KCNQ3: variants seen among roughly 807,000 people sequenced by gnomAD.
KCNQ3 encodes the protein potassium voltage-gated channel subfamily KQT member 3.
Under a neutral mutation model 92.5 loss-of-function variants are expected in KCNQ3, and 30 were observed. That is an observed-to-expected ratio of 0.32 (90% confidence interval 0.24 to 0.44). The LOEUF (loss-of-function observed/expected upper bound fraction) is 0.44, where lower values mean the gene tolerates loss of function less well. Among genes scored for constraint, KCNQ3 ranks in the 20% least tolerant of loss-of-function variants. KCNQ3 has a pLI of 1.00. For synonymous variants in KCNQ3, 450 were observed against 468.8 expected, an observed-to-expected ratio of 0.96 and a Z score of 0.52; for missense variants, 913 against 1,140.3, an observed-to-expected ratio of 0.80 and a Z score of 2.87.
At chr8:132,238,654 C>T (rs890266377) in intron 1 of KCNQ3, among the ~76,000 whole-genome samples, 6 of 152,316 alleles carry the variant, frequency 3.9e-5, no homozygotes, top group African/African-American at 1.4e-4. Context: ...CTACTTCTCT[C>T]CTTCTTGTCG....
intron 1 of KCNQ3, among the ~76,000 whole-genome samples, chr8:132,459,632 A>C (rs957891927): frequency 6.6e-6 from 1 of 152,160 alleles, no homozygotes; most frequent in Non-Finnish European, 1.5e-5. Flanking sequence ...AACACTGGGC[A>C]TCAAATTTCA....
At chr8:132,314,899 C>T (rs183740994) in intron 1 of KCNQ3, among the ~76,000 whole-genome samples, 107 of 152,218 alleles carry the variant, frequency 7.0e-4, no homozygotes, top group African/African-American at 2.5e-3. Flanking sequence ...AAATATGCAA[C>T]GCATGCTGTG....
At chr8:132,222,783 G>A (rs191303581) in intron 1 of KCNQ3, among the ~76,000 whole-genome samples, 4 of 152,324 alleles carry the variant, frequency 2.6e-5, no homozygotes, top group Non-Finnish European at 4.4e-5. Context: ...CACGTGGGTG[G>A]GATGCAAGGG....
intron 1 of KCNQ3, among the ~76,000 whole-genome samples, chr8:132,410,467 C>T (rs1820620566): frequency 1.3e-5 from 2 of 152,174 alleles, no homozygotes; most frequent in South Asian, 2.1e-4. Flanking sequence ...AACCCGTCCA[C>T]CTGGGAGAGA....
In KCNQ3 at chr8:132,136,118, CAAAAAAAAAAAAAA is replaced by C. The variant is rs67331428; in HGVS notation, c.1701-1744_1701-1731del. On this transcript the variant is annotated intron_variant, in intron 12 of 14. Coordinates refer to ENST00000388996, the MANE Select transcript of KCNQ3 (RefSeq NM_004519.4). The stretch of plus-strand genomic sequence containing the variant: ...TGGGTGACAGAGTGAGACTCCATCT[CAAAAAAAAAAAAAA>C]AAAAAAAAAAAAAAGAAAAGAGAAA... Among the ~76,000 whole-genome samples, 17 of 40,018 alleles carry C rather than the reference CAAAAAAAAAAAAAA, an allele frequency of 4.2e-4. No homozygotes were observed. In the East Asian group the frequency reaches 0.015, roughly 36 times the overall value. 26.3% of individuals were successfully genotyped at this position (40,018 alleles called of 152,430 possible).
At chr8:132,266,677 G>A (rs1815992478) in intron 1 of KCNQ3, among the ~76,000 whole-genome samples, 1 of 152,138 alleles carries the variant, frequency 6.6e-6, no homozygotes, top group African/African-American at 2.4e-5. Context: ...TCAAACCGGA[G>A]CTGCATCACG....
chr8:132,262,879 T>C (rs1203188289), intron 1 of KCNQ3, among the ~76,000 whole-genome samples: 1 of 152,204 alleles, frequency 6.6e-6, no homozygotes, highest in Non-Finnish European at 1.5e-5. Context: ...GTTCTTACTA[T>C]GTGACATTGA....
intron 12 of KCNQ3, among the ~76,000 whole-genome samples, chr8:132,135,649 T>C (rs1372269875): frequency 6.6e-6 from 1 of 152,126 alleles, no homozygotes; most frequent in Non-Finnish European, 1.5e-5. Flanking sequence ...TTGGCTGGTA[T>C]TTTTGGAGTC....
At chr8:132,334,223 T>C (rs1818304568) in intron 1 of KCNQ3, among the ~76,000 whole-genome samples, 1 of 152,002 alleles carries the variant, frequency 6.6e-6, no homozygotes, top group African/African-American at 2.4e-5. Flanking sequence ...GACTCACACC[T>C]GTAATCTCGG....
chr8:132,347,393 T>C (rs1397918562), intron 1 of KCNQ3, among the ~76,000 whole-genome samples: 2 of 152,224 alleles, frequency 1.3e-5, no homozygotes, highest in South Asian at 2.1e-4. Context: ...CTTACTTTGC[T>C]CTTTGCTAAT....
intron 1 of KCNQ3, among the ~76,000 whole-genome samples, chr8:132,457,922 C>G (rs1821977965): frequency 6.6e-6 from 1 of 152,170 alleles, no homozygotes; most frequent in Non-Finnish European, 1.5e-5. Context: ...CCACATCTGA[C>G]AGCAGAGCCC....
intron 1 of KCNQ3, among the ~76,000 whole-genome samples, chr8:132,313,926 T>C (rs903960516): frequency 2.6e-5 from 4 of 152,206 alleles, no homozygotes; most frequent in Admixed American, 2.0e-4. Context: ...AGTAACCTTA[T>C]GAGATAGGTG....
chr8:132,187,729 ATAG>A (rs1827020443), intron 1 of KCNQ3, among the ~76,000 whole-genome samples: 1 of 122,126 alleles, frequency 8.2e-6, no homozygotes, highest in African/African-American at 3.3e-5. Flanking sequence ...GATGGTGGTG[ATAG>A]TGATGATGGT....
intron 1 of KCNQ3, among the ~76,000 whole-genome samples, chr8:132,466,359 G>C (rs1415708869): frequency 2.0e-5 from 3 of 151,286 alleles, no homozygotes; most frequent in Non-Finnish European, 4.4e-5. Context: ...CGAACCAGAG[G>C]ACGACTACCA....
At chr8:132,168,484 T>C (rs1402986872) in intron 8 of KCNQ3, among the ~76,000 whole-genome samples, 4 of 152,042 alleles carry the variant, frequency 2.6e-5, no homozygotes, top group African/African-American at 9.7e-5. Flanking sequence ...GAACAGAAAG[T>C]GGCACCTGCC....
chr8:132,315,024 T>C (rs1817701195), intron 1 of KCNQ3, among the ~76,000 whole-genome samples: 1 of 152,242 alleles, frequency 6.6e-6, no homozygotes, highest in African/African-American at 2.4e-5. Context: ...TTATGAACTT[T>C]AGATTCTATC....
At chr8:132,464,805 C>T (rs916921038) in intron 1 of KCNQ3, among the ~76,000 whole-genome samples, 1 of 152,188 alleles carries the variant, frequency 6.6e-6, no homozygotes, top group African/African-American at 2.4e-5. Flanking sequence ...ATTATTTATT[C>T]ACCTATTTGA....
chr8:132,379,150 T>G (rs1819681005), intron 1 of KCNQ3, among the ~76,000 whole-genome samples: 1 of 152,224 alleles, frequency 6.6e-6, no homozygotes, highest in African/African-American at 2.4e-5. Context: ...GTTTATGTGT[T>G]CACTTTTTAC....
chr8:132,140,060 A>G lies in KCNQ3; in HGVS notation c.1568+16T>C, dbSNP rs1204780483. On this transcript the variant is annotated intron_variant, in intron 11 of 14. Coordinates refer to ENST00000388996, the MANE Select transcript of KCNQ3 (RefSeq NM_004519.4). ...GGGGAGGCACACAGGCACAGGTGGG[A>G]CCGTGGGGGCATTACCTGACGGCTC... The G allele has an allele frequency of 1.9e-6, 3 of 1,558,642 alleles. No individual in the cohort carries two copies. Among genetic ancestry groups the G allele is most frequent in the Non-Finnish European group, 2.6e-6 (3 of 1,145,588 alleles).
Sources: gnomAD v4.1 joint callset for allele counts (sites outside exome capture counted in the v4.1 genomes callset) on GRCh38, gnomAD v4.1.1 for gene constraint, MANE v1.5 for transcripts, NCBI Gene and HGNC (gene_info 2026-07-23, HGNC 2026-07-21) for gene names.